Variants in CATSPERD observed in about 807,000 individuals in gnomAD.
CATSPERD encodes cation channel sperm-associated auxiliary subunit delta.
Under a neutral mutation model 98.1 loss-of-function variants are expected in CATSPERD, and 86 were observed. The observed-to-expected ratio is 0.88, with a 90% confidence interval of 0.74 to 1.05. The LOEUF is 1.05. Among genes scored for constraint, CATSPERD ranks in the 50% least tolerant of loss-of-function variants. The probability of loss-of-function intolerance (pLI) is 0.00; values close to 1 mark genes in which losing one functional copy is unlikely to be tolerated. For missense variants in CATSPERD, 995 were observed against 1,005.7 expected, an observed-to-expected ratio of 0.99 and a Z score of 0.14; for synonymous variants, 394 against 390.2, an observed-to-expected ratio of 1.01 and a Z score of -0.12.
At chr19:5,769,243 G>C (rs1406284590) in intron 18 of CATSPERD, among the ~76,000 whole-genome samples, 3 of 149,410 alleles carry the variant, frequency 2.0e-5, no homozygotes, top group African/African-American at 5.0e-5. Context: ...GCTGAGGCAG[G>C]AGGATTGCTT....
chr19:5,723,715 C>T (rs1228366890), intron 1 of CATSPERD, among the ~76,000 whole-genome samples: 1 of 151,574 alleles, frequency 6.6e-6, no homozygotes, highest in Non-Finnish European at 1.5e-5. Context: ...CCACCCGCCT[C>T]GGCCTCCTAA....
intron 13 of CATSPERD, among the ~76,000 whole-genome samples, chr19:5,756,309 T>A (rs2056323832): frequency 6.6e-6 from 1 of 151,106 alleles, no homozygotes; most frequent in African/African-American, 2.4e-5. Flanking sequence ...AATAAATAAA[T>A]AAAAATAAAA....
At chr19:5,778,311 A>G in intron 21 of CATSPERD, 65 bp from the exon 22 acceptor site, 1 of 1,465,786 alleles carries the variant, frequency 6.8e-7, no homozygotes, top group South Asian at 1.3e-5. Context: ...CACCTTTGCC[A>G]GAGATAAGGC....
At chr19:5,774,386 C>T (rs1028618543) in intron 20 of CATSPERD, among the ~76,000 whole-genome samples, 1 of 151,966 alleles carries the variant, frequency 6.6e-6, no homozygotes, top group Non-Finnish European at 1.5e-5. Flanking sequence ...TGAGTGGCTG[C>T]TTTTGTAGAA....
At chr19:5,736,441 G>T (rs2055847098) in intron 5 of CATSPERD, among the ~76,000 whole-genome samples, 1 of 152,186 alleles carries the variant, frequency 6.6e-6, no homozygotes, top group African/African-American at 2.4e-5. Flanking sequence ...TCCAGGCTGG[G>T]CGCGGTGGCT....
Position 5,759,747 on chromosome 19 carries a change from T to C in CATSPERD, c.1427+603T>C, listed in dbSNP as rs147514251. Reference sequence around the variant, plus strand: ...GAAAGGATGAACACAGCGTGGTCCATCCGCACATCGCAATATGACTCAGAC... The same window carrying C: ...GAAAGGATGAACACAGCGTGGTCCACCCGCACATCGCAATATGACTCAGAC... On this transcript the variant is annotated intron_variant, in intron 15 of 21. Coordinates refer to ENST00000381624, the MANE Select transcript of CATSPERD (RefSeq NM_152784.4). Among the ~76,000 whole-genome samples, 1,018 of 151,558 alleles carry C rather than the reference T, an allele frequency of 6.7e-3. 19 individuals are homozygous for C. Among genetic ancestry groups the C allele is most frequent in the African/African-American group, 0.024 (981 of 41,346 alleles).
chr19:5,768,393 G>A, intron 18 of CATSPERD, 151 bp downstream of exon 18: 1 of 364,954 alleles, frequency 2.7e-6, no homozygotes, highest in Non-Finnish European at 4.4e-6. Context: ...CTGGAGTGCA[G>A]TGGCGCGATC....
At chr19:5,750,165 T>C (rs1199430059) in intron 11 of CATSPERD, among the ~76,000 whole-genome samples, 1 of 148,758 alleles carries the variant, frequency 6.7e-6, no homozygotes, top group Non-Finnish European at 1.5e-5. Flanking sequence ...AAGAATTATT[T>C]TGGCCGGGCG....
intron 17 of CATSPERD, among the ~76,000 whole-genome samples, chr19:5,767,336 C>T (rs1397738079): frequency 7.9e-6 from 1 of 126,754 alleles, no homozygotes; most frequent in South Asian, 2.5e-4. Context: ...AAAAAAAAAG[C>T]CAGACCAGCT....
At position 5,759,147 on chromosome 19, in the gene CATSPERD, A is replaced by G. The variant is rs780105949; in HGVS notation, c.1427+3A>G. The G allele has an allele frequency of 1.9e-6, 3 of 1,613,598 alleles. No homozygotes were observed. In the Middle Eastern group the frequency reaches 5.0e-4, roughly 266 times the overall value. On this transcript the variant is annotated splice_donor_region_variant and intron_variant, in intron 15 of 21. Transcript: ENST00000381624. ...ACCGACTCCAACTTCACTTCCAGGT[A>G]TGTTGTCTCCTGGGAGAGGCGGGGA...
At position 5,756,167 on chromosome 19, in the gene CATSPERD, G is replaced by A. The variant is rs913532349; in HGVS notation, c.1279-1676G>A. Reference sequence around the variant, plus strand: ...GTGGTGGCACATGCCTGTAATCCCCGCTACTCAGGAGGCTGACGTGGGAGA... The same window carrying A: ...GTGGTGGCACATGCCTGTAATCCCCACTACTCAGGAGGCTGACGTGGGAGA... On this transcript the variant is annotated intron_variant, in intron 13 of 21. Transcript: ENST00000381624. Among the ~76,000 whole-genome samples, 11 of 151,620 alleles carry A rather than the reference G, an allele frequency of 7.3e-5. No homozygotes were observed. In the South Asian group the frequency reaches 1.5e-3, roughly 20 times the overall value.
At chr19:5,772,686 C>T in intron 19 of CATSPERD, 102 bp from the exon 20 acceptor site, 2 of 1,215,864 alleles carry the variant, frequency 1.6e-6, no homozygotes, top group African/African-American at 1.5e-5. Flanking sequence ...CTGTCACCTC[C>T]CACCCCCCAA....
At chr19:5,754,918 C>T (rs2056297771) in intron 13 of CATSPERD, among the ~76,000 whole-genome samples, 1 of 150,720 alleles carries the variant, frequency 6.6e-6, no homozygotes, top group South Asian at 2.1e-4. Flanking sequence ...GATCTCGGCT[C>T]ACTGTAACCT....
intron 2 of CATSPERD, among the ~76,000 whole-genome samples, chr19:5,725,197 G>C (rs985876246): frequency 6.6e-6 from 1 of 152,122 alleles, no homozygotes; most frequent in Non-Finnish European, 1.5e-5. Context: ...TGTTGCCCAG[G>C]TTGGAGTGCA....
rs184754718 is a variant in CATSPERD, at chr19:5,772,375, C to A, written c.1764-413C>A. ...CCCGAGTAGCTGGGATTACAGGCGC[C>A]CGCCACTGCGCCCGGCTAATTTTTT... On this transcript the variant is annotated intron_variant, in intron 19 of 21. Transcript: ENST00000381624. The A allele has an allele frequency of 5.5e-3, 1,398 of 252,224 alleles. 8 individuals are homozygous for A. Among genetic ancestry groups the A allele is most frequent in the Non-Finnish European group, 7.8e-3 (975 of 125,026 alleles). The allele number at this position is 252,224 out of a possible 1,614,324, so 15.6% of individuals were successfully genotyped here. A position where few individuals can be genotyped will look rare whatever the true frequency, so the allele number is the denominator to read the frequency against.
Position 5,766,108 on chromosome 19 carries a change from A to C in CATSPERD, c.1512A>C (p.Thr504=). Residue 504 remains threonine (T), a synonymous_variant, in exon 17 of 22, where the codon ACA becomes ACC. Coordinates refer to ENST00000381624, the MANE Select transcript of CATSPERD (RefSeq NM_152784.4). ...ISCVDIKPLS[T]LISVGCDLDK... ...TCTGTCTCTCTCCTCTGCAGTCGAC[A>C]CTGATTTCAGTTGGCTGCGACCTGG... The C allele has an allele frequency of 6.2e-7, 1 of 1,613,056 alleles. No homozygotes were observed. The highest frequency in any genetic ancestry group is 1.7e-4 in the Middle Eastern group (1 of 6,056).
intron 13 of CATSPERD, 27 bp from the exon 14 acceptor site, chr19:5,757,816 G>T: frequency 6.3e-7 from 1 of 1,592,952 alleles, no homozygotes. Flanking sequence ...GCTCCGTACA[G>T]CCTGAGCTTC....
chr19:5,777,315 G>A (rs900358907), intron 21 of CATSPERD, among the ~76,000 whole-genome samples: 2 of 152,160 alleles, frequency 1.3e-5, no homozygotes, highest in African/African-American at 4.8e-5. Flanking sequence ...GTCCACCAGA[G>A]AGAGGAGACA....
chr19:5,730,010 C>A, intron 4 of CATSPERD, 66 bp downstream of exon 4: 1 of 934,172 alleles, frequency 1.1e-6, no homozygotes, highest in South Asian at 1.5e-5. Flanking sequence ...AAATACAGTT[C>A]AGAAATATCA....
Sources: gnomAD v4.1 joint callset for allele counts (sites outside exome capture counted in the v4.1 genomes callset) on GRCh38, gnomAD v4.1.1 for gene constraint, MANE v1.5 for transcripts, NCBI Gene and HGNC (gene_info 2026-07-23, HGNC 2026-07-21) for gene names.